PRKAG2: variants seen among roughly 807,000 people sequenced by gnomAD.
PRKAG2 encodes the protein protein kinase AMP-activated non-catalytic subunit gamma 2, also known as 5'-AMP-activated protein kinase subunit gamma-2.
A neutral mutation model predicts 69.6 loss-of-function variants in PRKAG2; 26 were observed. The observed-to-expected ratio is 0.37, with a 90% CI of 0.27 to 0.52. The LOEUF (loss-of-function observed/expected upper bound fraction) is 0.52, where lower values mean the gene tolerates loss of function less well. Ranked by LOEUF, PRKAG2 falls within the 20% of genes least tolerant of loss-of-function variation. The pLI is 0.90. For missense variants in PRKAG2, 557 were observed against 740.0 expected (o/e 0.75, Z 2.87); for synonymous variants, 293 against 285.0 (o/e 1.03, Z -0.28).
intron 4 of PRKAG2, among the ~76,000 whole-genome samples, chr7:151,642,548 T>A (rs1333261141): frequency 1.3e-5 from 2 of 152,222 alleles, no homozygotes; most frequent in African/African-American, 4.8e-5. Context: ...AGAAGTGTAT[T>A]AATTCTGCTG....
intron 3 of PRKAG2, among the ~76,000 whole-genome samples, chr7:151,712,769 A>T (rs910494437): frequency 6.6e-5 from 10 of 152,238 alleles, no homozygotes; most frequent in African/African-American, 2.2e-4. Flanking sequence ...ACACACCACA[A>T]TCCTCTCCAG....
intron 4 of PRKAG2, among the ~76,000 whole-genome samples, chr7:151,657,967 G>A (rs138688659): frequency 6.6e-6 from 1 of 151,634 alleles, no homozygotes; most frequent in Non-Finnish European, 1.5e-5. Flanking sequence ...AGACCAGCCT[G>A]GCTAACACAG....
chr7:151,792,674 A>C (rs1028237274), intron 1 of PRKAG2, among the ~76,000 whole-genome samples: 1 of 152,262 alleles, frequency 6.6e-6, no homozygotes, highest in African/African-American at 2.4e-5. Context: ...TGCCAGTAGC[A>C]GGGGCCCACG....
intron 5 of PRKAG2, among the ~76,000 whole-genome samples, chr7:151,609,317 AT>A (rs934767527): frequency 6.6e-6 from 1 of 152,120 alleles, no homozygotes; most frequent in African/African-American, 2.4e-5. Context: ...TATAAAAAAA[AT>A]GTGTTGTAAG....
At chr7:151,787,912 A>G (rs1466771122) in intron 1 of PRKAG2, among the ~76,000 whole-genome samples, 1 of 152,164 alleles carries the variant, frequency 6.6e-6, no homozygotes, top group Non-Finnish European at 1.5e-5. Context: ...CTACCAACCC[A>G]AAGAGAGGGG....
chr7:151,736,911 T>C (rs2073459010), intron 3 of PRKAG2, among the ~76,000 whole-genome samples: 1 of 152,198 alleles, frequency 6.6e-6, no homozygotes, highest in South Asian at 2.1e-4. Context: ...GGGAGGTGAC[T>C]TCCCCAAGAT....
intron 5 of PRKAG2, among the ~76,000 whole-genome samples, chr7:151,600,375 T>C (rs1815760540): frequency 6.6e-6 from 1 of 152,192 alleles, no homozygotes; most frequent in African/African-American, 2.4e-5. Context: ...CTAACCAAGC[T>C]CTTTGGCTGT....
At position 151,704,180 on chromosome 7, in the gene PRKAG2, A is replaced by G. The variant is rs190844917; in HGVS notation, c.467-28543T>C. 2.0e-3 allele frequency among the ~76,000 whole-genome samples: 312 copies of G among 152,328 alleles called. 1 individual carries two copies. The highest frequency in any genetic ancestry group is 3.9e-3 in the Non-Finnish European group (263 of 68,038). ...CGGGGAATGGGATATCCATCCTCTC[A>G]AGCATTTATCCTTTGAGTTACAAAC... On this transcript the variant is annotated intron_variant, in intron 3 of 15. Coordinates refer to ENST00000287878, the MANE Select transcript of PRKAG2 (RefSeq NM_016203.4).
intron 6 of PRKAG2, among the ~76,000 whole-genome samples, chr7:151,584,163 C>T (rs984560337): frequency 6.6e-6 from 1 of 152,210 alleles, no homozygotes. Context: ...CCCCTCCAAG[C>T]CCCAGTACTC....
At chr7:151,794,755 T>C (rs1265313587) in intron 1 of PRKAG2, among the ~76,000 whole-genome samples, 1 of 152,256 alleles carries the variant, frequency 6.6e-6, no homozygotes, top group Non-Finnish European at 1.5e-5. Flanking sequence ...GCCAAGATGA[T>C]TCATGACTTG....
chr7:151,786,681 T>G, intron 1 of PRKAG2, 140 bp from the exon 2 acceptor site: 22 of 727,692 alleles, frequency 3.0e-5, no homozygotes, highest in East Asian at 1.1e-4. Context: ...GTGGACGTGT[T>G]TGCTACACCC....
intron 4 of PRKAG2, 166 bp downstream of exon 4, chr7:151,675,254 T>G (rs1447403233): frequency 5.2e-6 from 4 of 774,990 alleles, no homozygotes; most frequent in Middle Eastern, 2.4e-4. Context: ...TATTGTGCCC[T>G]CACCATTTCT....
chr7:151,589,386 T>C (rs1812490895), intron 6 of PRKAG2, among the ~76,000 whole-genome samples: 1 of 152,050 alleles, frequency 6.6e-6, no homozygotes, highest in South Asian at 2.1e-4. Context: ...TGGTGAAACA[T>C]GGGTCACTGA....
chr7:151,612,515 C>T (rs1819112781), intron 5 of PRKAG2, among the ~76,000 whole-genome samples: 1 of 152,198 alleles, frequency 6.6e-6, no homozygotes, highest in Non-Finnish European at 1.5e-5. Flanking sequence ...CTGCTGCTCA[C>T]TGTGAAGCAA....
rs528270320 is a variant in PRKAG2 at position 151,777,161 on chromosome 7, A to G, written c.466+3991T>C. Among the ~76,000 whole-genome samples, 2 of 152,276 alleles carry G rather than the reference A, an allele frequency of 1.3e-5. No homozygotes were observed. The highest frequency in any genetic ancestry group is 3.9e-4 in the East Asian group (2 of 5,176). ...CTGTGCAGACCACAGGCCCCAATGG[A>G]AGGGGCCATGGCCAGGTTCAGCATG... On this transcript the variant is annotated intron_variant, in intron 3 of 15. Coordinates refer to ENST00000287878, the MANE Select transcript of PRKAG2 (RefSeq NM_016203.4). The surrounding 1 kb of genome is among the most constrained non-coding windows in gnomAD (Gnocchi z 4.3).
At chr7:151,738,783 A>G (rs1009299537) in intron 3 of PRKAG2, among the ~76,000 whole-genome samples, 4 of 152,240 alleles carry the variant, frequency 2.6e-5, no homozygotes, top group African/African-American at 9.6e-5. Context: ...TGGGGCTCTC[A>G]GCTCTGAAGG....
intron 1 of PRKAG2, among the ~76,000 whole-genome samples, chr7:151,789,983 A>G (rs1056703840): frequency 1.7e-4 from 26 of 152,098 alleles, no homozygotes; most frequent in African/African-American, 5.8e-4. Flanking sequence ...TCATTTTCCA[A>G]ACACAGCTAT....
Position 151,850,620 on chromosome 7 carries a change from C to T in PRKAG2, c.114+25887G>A, listed in dbSNP as rs2079545929. Among the ~76,000 whole-genome samples, 1 of 152,240 alleles carries T rather than the reference C, an allele frequency of 6.6e-6. No individual in the cohort carries two copies. The highest frequency in any genetic ancestry group is 1.5e-5 in the Non-Finnish European group (1 of 68,048). ...GGACCAATTCCAAAATCCTCAAGTTCTACACTCCTTCCCGCCTGCCCCACC... is the reference window on the plus strand; with the variant it reads ...GGACCAATTCCAAAATCCTCAAGTTTTACACTCCTTCCCGCCTGCCCCACC... On this transcript the variant is annotated intron_variant, in intron 1 of 15. Transcript: ENST00000287878. The surrounding 1 kb of genome is among the most constrained non-coding windows in gnomAD (Gnocchi z 4.1).
rs144289985 is a variant in PRKAG2 at position 151,828,681 on chromosome 7, G to A, written c.115-42140C>T. Among the ~76,000 whole-genome samples the A allele has an allele frequency of 1.3e-3, 197 of 152,004 alleles. 1 individual carries two copies. The East Asian group carries it at 0.037, about 28-fold the overall frequency. On this transcript the variant is annotated intron_variant, in intron 1 of 15. Coordinates refer to ENST00000287878, the MANE Select transcript of PRKAG2 (RefSeq NM_016203.4). The surrounding 1 kb of genome is among the most constrained non-coding windows in gnomAD (Gnocchi z 4.6). ...ACACCTGTAACTCTCAGCACTTTGG[G>A]AGGCCAAAATGGGAGGACTGCTTGA...
Sources: allele counts gnomAD v4.1 joint callset (sites outside exome capture counted in the v4.1 genomes callset), GRCh38; gene constraint gnomAD v4.1.1; non-coding constraint Gnocchi (gnomAD v3.1); transcripts MANE v1.5; gene names NCBI Gene and HGNC (gene_info 2026-07-23, HGNC 2026-07-21).